TMPRSS15: variants seen among roughly 807,000 people sequenced by gnomAD.
The protein encoded by TMPRSS15 is transmembrane serine protease 15, also known as enteropeptidase.
Under a neutral mutation model 125.3 loss-of-function variants are expected in TMPRSS15, and 128 were observed. The ratio of observed to expected loss-of-function variants is 1.02; its 90% CI spans 0.89 to 1.18. TMPRSS15 has a LOEUF of 1.18. Among genes scored for constraint, TMPRSS15 ranks in the 50% most tolerant of loss-of-function variants. The pLI is 0.00. For synonymous variants in TMPRSS15, 446 were observed against 423.2 expected (o/e 1.05, Z -0.66); for missense variants, 1,283 against 1,212.7 (o/e 1.06, Z -0.86).
At chr21:18,292,848 C>T (rs2074855027) in intron 21 of TMPRSS15, among the ~76,000 whole-genome samples, 1 of 152,192 alleles carries the variant, frequency 6.6e-6, no homozygotes, top group Non-Finnish European at 1.5e-5. Flanking sequence ...ATTGCCTCTA[C>T]AGACGCTTGT....
intron 1 of TMPRSS15, among the ~76,000 whole-genome samples, chr21:18,454,157 G>A (rs1978393757): frequency 6.6e-6 from 1 of 152,040 alleles, no homozygotes; most frequent in African/African-American, 2.4e-5. Flanking sequence ...CTCCACAGAG[G>A]ATACTCATGC....
At chr21:18,365,278 A>T in intron 6 of TMPRSS15, 30 bp from the exon 7 acceptor site, 1 of 1,553,908 alleles carries the variant, frequency 6.4e-7, no homozygotes, top group South Asian at 1.1e-5. Context: ...AATGTTAGAC[A>T]AAAACAATCT....
intron 1 of TMPRSS15, among the ~76,000 whole-genome samples, chr21:18,471,036 T>C (rs898588593): frequency 2.6e-4 from 40 of 152,004 alleles, no homozygotes; most frequent in Admixed American, 1.8e-3. Context: ...AGTTGATATA[T>C]GAAAGATGTC....
chr21:18,343,629 A>T lies in TMPRSS15; in HGVS notation c.1305T>A (p.His435Gln). Reference protein sequence around the residue: ...FWYHMYGENVHKLSINISNDQ... With the variant: ...FWYHMYGENVQKLSINISNDQ... ...CATTGCTGATATTAATGCTTAATTT[A>T]TGGACATTTTCACCATACATATGAT... The change falls in exon 12 of 25, where the codon CAT becomes CAA. Residue 435 changes from histidine (H) to glutamine (Q), a missense_variant. Physicochemically the swap from His to Gln is conservative, Grantham distance 24. Transcript: ENST00000284885. 7 of 1,613,712 alleles carry T rather than the reference A, an allele frequency of 4.3e-6. No individual in the cohort carries two copies. Among genetic ancestry groups the T allele is most frequent in the Non-Finnish European group, 5.9e-6 (7 of 1,179,796 alleles).
intron 3 of TMPRSS15, among the ~76,000 whole-genome samples, chr21:18,397,545 G>T (rs536845656): frequency 2.0e-5 from 3 of 152,160 alleles, no homozygotes; most frequent in Middle Eastern, 3.4e-3. Context: ...ATGAAGCAGG[G>T]TGATACAATA....
Position 18,324,505 on chromosome 21 carries a change from G to A in TMPRSS15, c.1921+1927C>T, listed in dbSNP as rs191869356. On this transcript the variant is annotated intron_variant, in intron 16 of 24. Coordinates refer to ENST00000284885, the MANE Select transcript of TMPRSS15 (RefSeq NM_002772.3). ...ACAGAAAATTGCTATGGCCAAAGAC[G>A]GCCATCTTCTTCCAAATTTCTTGAA... is the stretch of plus-strand genomic sequence containing the variant. Among the ~76,000 whole-genome samples the A allele has an allele frequency of 1.2e-4, 18 of 152,162 alleles. No individual in the cohort carries two copies. The South Asian group carries it at 1.5e-3, about 12-fold the overall frequency.
intron 1 of TMPRSS15, among the ~76,000 whole-genome samples, chr21:18,446,856 T>C (rs2076256813): frequency 6.6e-6 from 1 of 151,892 alleles, no homozygotes; most frequent in East Asian, 1.9e-4. Flanking sequence ...GAAAGCTCCA[T>C]GACATTGGTT....
chr21:18,447,021 G>C (rs1391716778), intron 1 of TMPRSS15, among the ~76,000 whole-genome samples: 1 of 152,124 alleles, frequency 6.6e-6, no homozygotes, highest in Non-Finnish European at 1.5e-5. Context: ...TAAACTATTT[G>C]CAATCTGTAC....
At chr21:18,302,919 T>A (rs897730851) in intron 18 of TMPRSS15, among the ~76,000 whole-genome samples, 9 of 152,162 alleles carry the variant, frequency 5.9e-5, no homozygotes, top group Non-Finnish European at 1.0e-4. Context: ...TTTGTTTGTT[T>A]GTTTGTTTGT....
intron 21 of TMPRSS15, among the ~76,000 whole-genome samples, chr21:18,293,545 G>A (rs1167013800): frequency 1.3e-5 from 2 of 152,120 alleles, no homozygotes; most frequent in East Asian, 3.9e-4. Context: ...TAGAGAGGTG[G>A]CATCTTTGAT....
intron 13 of TMPRSS15, among the ~76,000 whole-genome samples, chr21:18,340,742 C>CA (rs1042472958): frequency 9.1e-6 from 1 of 109,382 alleles, no homozygotes; most frequent in Admixed American, 8.4e-5. Flanking sequence ...AAGAAGCCCA[C>CA]AAAAACCTCA....
intron 6 of TMPRSS15, among the ~76,000 whole-genome samples, chr21:18,369,866 T>C (rs2075774290): frequency 6.6e-6 from 1 of 151,766 alleles, no homozygotes; most frequent in African/African-American, 2.4e-5. Context: ...CAACTTGTAC[T>C]CTTAAATTCT....
chr21:18,465,706 G>A (rs762359583), intron 1 of TMPRSS15, among the ~76,000 whole-genome samples: 12 of 152,178 alleles, frequency 7.9e-5, no homozygotes, highest in Non-Finnish European at 1.8e-4. Context: ...ACTTAAAAGG[G>A]ATGTGAAGAA....
At chr21:18,373,054 CAAT>C (rs2075808591) in intron 5 of TMPRSS15, among the ~76,000 whole-genome samples, 1 of 152,176 alleles carries the variant, frequency 6.6e-6, no homozygotes, top group African/African-American at 2.4e-5. Flanking sequence ...AATATAACAA[CAAT>C]GATGGTGAAA....
At chr21:18,330,127 C>G (rs1302644797) in intron 14 of TMPRSS15, among the ~76,000 whole-genome samples, 1 of 152,106 alleles carries the variant, frequency 6.6e-6, no homozygotes, top group East Asian at 1.9e-4. Context: ...ATGCTTGAAA[C>G]CTCAGCACCT....
intron 10 of TMPRSS15, among the ~76,000 whole-genome samples, chr21:18,345,698 G>A (rs1374820405): frequency 1.9e-5 from 2 of 103,264 alleles, no homozygotes; most frequent in African/African-American, 3.5e-5. Context: ...CCGAGGTCGT[G>A]CCACTGCACT....
intron 1 of TMPRSS15, among the ~76,000 whole-genome samples, chr21:18,464,066 G>A (rs2122954337): frequency 8.6e-5 from 13 of 151,192 alleles, no homozygotes; most frequent in Non-Finnish European, 1.6e-4. Context: ...CCAGCTACTT[G>A]GGAGGCTGAG....
intron 1 of TMPRSS15, among the ~76,000 whole-genome samples, chr21:18,419,484 C>G (rs561317807): frequency 6.6e-6 from 1 of 152,240 alleles, no homozygotes; most frequent in South Asian, 2.1e-4. Context: ...CTCAGCCTCC[C>G]AAAGTGCTGG....
chr21:18,359,338 A>C (rs74488649), intron 8 of TMPRSS15, among the ~76,000 whole-genome samples: 1 of 152,052 alleles, frequency 6.6e-6, no homozygotes, highest in South Asian at 2.1e-4. Context: ...AATAGCCTGC[A>C]GGAGACCGAG....
Sources: gnomAD v4.1 joint callset for allele counts (sites outside exome capture counted in the v4.1 genomes callset) on GRCh38, gnomAD v4.1.1 for gene constraint, MANE v1.5 for transcripts, NCBI Gene and HGNC (gene_info 2026-07-23, HGNC 2026-07-21) for gene names.